Variants in NRAP observed in about 807,000 individuals in gnomAD.
NRAP encodes nebulin-related-anchoring protein.
Under a neutral mutation model 225.9 loss-of-function variants are expected in NRAP, and 189 were observed. The observed-to-expected ratio is 0.84, with a 90% CI of 0.74 to 0.94. The LOEUF (loss-of-function observed/expected upper bound fraction) is 0.94. NRAP is among the 40% of genes least tolerant of loss of function. The pLI, the probability that NRAP is intolerant of heterozygous loss-of-function variation, is 0.00. For synonymous variants in NRAP, 769 were observed against 790.7 expected (o/e 0.97, Z 0.46); for missense variants, 2,176 against 2,168.7 (o/e 1.00, Z -0.07).
chr10:113,615,158 G>A (rs565683295), intron 27 of NRAP, among the ~76,000 whole-genome samples: 1 of 152,248 alleles, frequency 6.6e-6, no homozygotes, highest in South Asian at 2.1e-4. Context: ...TGGGGTTGGG[G>A]GGGATGGGTT....
chr10:113,602,377 C>T (rs1846660467), intron 35 of NRAP, among the ~76,000 whole-genome samples: 1 of 152,142 alleles, frequency 6.6e-6, no homozygotes, highest in Non-Finnish European at 1.5e-5. Context: ...AGAAATAGGC[C>T]ATTGACAAGA....
Position 113,658,222 on chromosome 10 carries a change from T to C in NRAP, c.256-648A>G, listed in dbSNP as rs534892028. Among the ~76,000 whole-genome samples, 35 of 152,326 alleles carry C rather than the reference T, an allele frequency of 2.3e-4. 1 individual carries two copies. In the South Asian group the frequency reaches 7.0e-3, roughly 31 times the overall value. ...GTCCACTGGTCTATTTCTCTCTTCTTGTGCCAATTCTATGCTGAGTTAATA... is the reference window on the plus strand; with the variant it reads ...GTCCACTGGTCTATTTCTCTCTTCTCGTGCCAATTCTATGCTGAGTTAATA... On this transcript the variant is annotated intron_variant, in intron 3 of 41. Transcript: ENST00000359988.
At chr10:113,636,129 C>T (rs1262347598) in intron 14 of NRAP, among the ~76,000 whole-genome samples, 1 of 152,204 alleles carries the variant, frequency 6.6e-6, no homozygotes, top group African/African-American at 2.4e-5. Context: ...GGCCAAAGGC[C>T]CCACCCAGAA....
At chr10:113,632,924 C>T (rs565502163) in intron 16 of NRAP, among the ~76,000 whole-genome samples, 160 bp downstream of exon 16, 23 of 152,326 alleles carry the variant, frequency 1.5e-4, no homozygotes, top group African/African-American at 4.8e-4. Flanking sequence ...TAAACTACAA[C>T]GTGCCATGAC....
intron 39 of NRAP, 106 bp from the exon 40 acceptor site, chr10:113,590,995 G>A: frequency 1.1e-6 from 1 of 928,776 alleles, no homozygotes; most frequent in Admixed American, 2.2e-5. Context: ...GCTCAAGAGT[G>A]GGTTAGAGGC....
chr10:113,636,492 G>C (rs186662922), intron 14 of NRAP, among the ~76,000 whole-genome samples: 2 of 152,156 alleles, frequency 1.3e-5, no homozygotes, highest in Admixed American at 1.3e-4. Flanking sequence ...CACTAGCTGG[G>C]TACAAGTCCA....
intron 37 of NRAP, 51 bp from the exon 38 acceptor site, chr10:113,595,778 C>A (rs772374203): frequency 2.2e-5 from 28 of 1,274,522 alleles, no homozygotes; most frequent in Non-Finnish European, 1.5e-5. Context: ...GGGCTGAAAC[C>A]ACAGGGGAAT....
chr10:113,611,134 G>A (rs560013986), intron 30 of NRAP, among the ~76,000 whole-genome samples: 1 of 152,242 alleles, frequency 6.6e-6, no homozygotes, highest in African/African-American at 2.4e-5. Context: ...CGCCCCCTGG[G>A]CGTCCTGCCT....
intron 15 of NRAP, among the ~76,000 whole-genome samples, chr10:113,633,661 C>T (rs957116398): frequency 2.0e-5 from 3 of 152,038 alleles, no homozygotes; most frequent in African/African-American, 7.2e-5. Flanking sequence ...TAAACTTGAA[C>T]TTTGGATGAT....
In NRAP at chr10:113,607,433, A is replaced by G. The variant is rs1436499257; in HGVS notation, c.3702+981T>C. ...AAAAAAAAAAAAAAAAAAAAAAAAA[A>G]AAAGAAAAGAAAGAAAGAAAAGAAA... On this transcript the variant is annotated intron_variant, in intron 32 of 41. Transcript: ENST00000359988. 8.0e-3 allele frequency among the ~76,000 whole-genome samples: 1,081 copies of G among 135,610 alleles called. 19 individuals are homozygous for G. The highest frequency in any genetic ancestry group is 0.028 in the African/African-American group (1,029 of 36,474). 89.0% of individuals were successfully genotyped at this position (135,610 alleles called of 152,430 possible).
At position 113,590,655 on chromosome 10, in the gene NRAP, G is replaced by T. The variant is rs1845916666; in HGVS notation, c.4879C>A (p.Pro1627Thr). ...QLASDVHYRQ[P>T]LPQPTCDPEQ... is the part of the protein sequence containing the mutation. ...GGGTCGCAGGTGGGCTGGGGCAGGG[G>T]CTGCCTGTAGTGCACATCACTGGCC... Residue 1627 changes from proline (P) to threonine (T), a missense_variant, in exon 40 of 42, where the codon CCC becomes ACC. By Grantham distance (38) the Pro-to-Thr change is conservative (BLOSUM62 -1). This residue lies in a region of NRAP where 445 missense variants were observed against 426.1 expected (regional missense o/e 1.04). Transcript: ENST00000359988. 2 of 1,613,986 alleles carry T rather than the reference G, an allele frequency of 1.2e-6. No homozygotes were observed.
intron 29 of NRAP, among the ~76,000 whole-genome samples, chr10:113,613,793 G>C (rs2133941742): frequency 6.6e-6 from 1 of 152,156 alleles, no homozygotes; most frequent in East Asian, 1.9e-4. Context: ...AGGAATCCAG[G>C]TCCAGCTTCT....
At chr10:113,630,064 C>T (rs138554743) in intron 18 of NRAP, among the ~76,000 whole-genome samples, 1 of 152,292 alleles carries the variant, frequency 6.6e-6, no homozygotes, top group African/African-American at 2.4e-5. Context: ...ATTCCCAATT[C>T]TCATAGATGC....
intron 14 of NRAP, 141 bp from the exon 15 acceptor site, chr10:113,634,351 A>T: frequency 1.6e-6 from 1 of 638,254 alleles, no homozygotes; most frequent in Non-Finnish European, 2.9e-6. Context: ...GGATACTGAC[A>T]GACACTCCAA....
intron 32 of NRAP, among the ~76,000 whole-genome samples, chr10:113,607,376 T>G (rs1847038182): frequency 9.2e-6 from 1 of 109,228 alleles, no homozygotes; most frequent in African/African-American, 3.6e-5. Context: ...CACTCCAGCC[T>G]GGGTGAAAGA....
intron 36 of NRAP, 46 bp downstream of exon 36, chr10:113,597,923 T>C (rs1283896935): frequency 7.6e-7 from 1 of 1,318,298 alleles, no homozygotes. Context: ...CAAAAGGAAA[T>C]GCTAGCTTGC....
intron 8 of NRAP, 117 bp downstream of exon 8, chr10:113,650,321 G>A (rs1209958007): frequency 3.5e-6 from 3 of 850,724 alleles, no homozygotes; most frequent in Non-Finnish European, 5.9e-6. Flanking sequence ...AACTATAAAG[G>A]AAAACTACTC....
At chr10:113,611,265 T>A (rs1339323200) in intron 30 of NRAP, among the ~76,000 whole-genome samples, 1 of 151,024 alleles carries the variant, frequency 6.6e-6, no homozygotes, top group African/African-American at 2.4e-5. Flanking sequence ...TTCCTGACAG[T>A]TTATGTCATT....
intron 18 of NRAP, among the ~76,000 whole-genome samples, chr10:113,631,303 G>C (rs1848561495): frequency 2.0e-5 from 3 of 151,940 alleles, no homozygotes; most frequent in Admixed American, 1.3e-4. Flanking sequence ...TCACCCTTAG[G>C]GCCACACTCC....
Sources: gnomAD v4.1 joint callset for allele counts (sites outside exome capture counted in the v4.1 genomes callset) on GRCh38, gnomAD v4.1.1 for gene constraint, gnomAD v4.1.1 regional missense constraint, MANE v1.5 for transcripts, NCBI Gene and HGNC (gene_info 2026-07-23, HGNC 2026-07-21) for gene names.